TDRD7: variants seen among roughly 807,000 people sequenced by gnomAD.
TDRD7 encodes tudor domain containing 7.
In TDRD7, 47 loss-of-function variants were observed where a neutral mutation model predicts 109.8. That is an observed-to-expected ratio of 0.43 (90% CI 0.34 to 0.55). TDRD7 has a LOEUF of 0.55. Ranked by LOEUF, TDRD7 falls within the 20% of genes least tolerant of loss-of-function variation. The pLI is 0.03. For synonymous variants in TDRD7, 424 were observed against 457.3 expected, an observed-to-expected ratio of 0.93 and a Z score of 0.93; for missense variants, 1,164 against 1,319.2, an observed-to-expected ratio of 0.88 and a Z score of 1.82.
In TDRD7 at chr9:97,495,568, C is replaced by T; in HGVS notation, c.3077-95C>T. The T allele has an allele frequency of 2.4e-6, 3 of 1,250,160 alleles. No homozygotes were observed. In the Admixed American group the frequency reaches 5.0e-5, roughly 21 times the overall value. The allele number at this position is 1,250,160 out of a possible 1,614,324, so 77.4% of individuals were successfully genotyped here. ...AGTCTAACCTGGGATGCTTAAGTTACTTTGGAATTGACTAAATAATTTTCC... is the reference window on the plus strand; with the variant it reads ...AGTCTAACCTGGGATGCTTAAGTTATTTTGGAATTGACTAAATAATTTTCC... On this transcript the variant is annotated intron_variant, in intron 16 of 16. Coordinates refer to ENST00000355295, the MANE Select transcript of TDRD7 (RefSeq NM_014290.3).
At chr9:97,493,245 AG>A (rs978819823) in intron 16 of TDRD7, among the ~76,000 whole-genome samples, 31 of 152,238 alleles carry the variant, frequency 2.0e-4, no homozygotes, top group Non-Finnish European at 4.1e-4. Flanking sequence ...TATTTCATGT[AG>A]GTTCTTTTCT....
chr9:97,454,257 G>A (rs1308641799), intron 6 of TDRD7, among the ~76,000 whole-genome samples: 1 of 152,148 alleles, frequency 6.6e-6, no homozygotes, highest in Non-Finnish European at 1.5e-5. Context: ...GAGGTGGGTG[G>A]ATCACGAGGT....
At position 97,467,384 on chromosome 9, in the gene TDRD7, C is replaced by T. The variant is rs181364472; in HGVS notation, c.1629+2356C>T. Among the ~76,000 whole-genome samples the T allele has an allele frequency of 1.1e-4, 17 of 152,316 alleles. No individual in the cohort carries two copies. In the East Asian group the frequency reaches 2.7e-3, roughly 24 times the overall value. On this transcript the variant is annotated intron_variant, in intron 8 of 16. Transcript: ENST00000355295. ...CTTCTACTTTGGGAATTCAGGCTCT[C>T]GTGTCAGATAGAACTGAGTCTCAGC...
intron 13 of TDRD7, chr9:97,480,590 A>G: frequency 4.0e-6 from 2 of 504,668 alleles, no homozygotes; most frequent in South Asian, 3.8e-5. Context: ...GGTGGGAAGT[A>G]TATGGAGTGC....
intron 1 of TDRD7, among the ~76,000 whole-genome samples, chr9:97,413,391 T>G (rs1827756194): frequency 6.6e-6 from 1 of 152,100 alleles, no homozygotes; most frequent in South Asian, 2.1e-4. Flanking sequence ...TGGTTTTCTA[T>G]GTGTCAAATA....
intron 3 of TDRD7, 94 bp from the exon 4 acceptor site, chr9:97,431,931 A>C: frequency 8.9e-7 from 1 of 1,124,378 alleles, no homozygotes; most frequent in Non-Finnish European, 1.4e-6. Flanking sequence ...CTGAGAATAG[A>C]CACCCACAGA....
At chr9:97,428,028 A>T (rs1828031279) in intron 1 of TDRD7, among the ~76,000 whole-genome samples, 1 of 152,054 alleles carries the variant, frequency 6.6e-6, no homozygotes, top group African/African-American at 2.4e-5. Flanking sequence ...GTCTTTGTTC[A>T]GTCACGTCCA....
At chr9:97,437,353 A>G (rs558893233) in intron 4 of TDRD7, among the ~76,000 whole-genome samples, 9 of 152,308 alleles carry the variant, frequency 5.9e-5, no homozygotes, top group Admixed American at 2.0e-4. Context: ...TGAGTTGTTC[A>G]TTAGTCCCTA....
intron 8 of TDRD7, among the ~76,000 whole-genome samples, chr9:97,469,065 C>T (rs1828867850): frequency 6.6e-6 from 1 of 152,224 alleles, no homozygotes; most frequent in East Asian, 1.9e-4. Flanking sequence ...TTAATCTGTT[C>T]TTGTGCTAAG....
rs16920394 is a variant in TDRD7 at position 97,443,260 on chromosome 9, T to C, written c.855+1385T>C. On this transcript the variant is annotated intron_variant, in intron 6 of 16. Coordinates refer to ENST00000355295, the MANE Select transcript of TDRD7 (RefSeq NM_014290.3). ...TTAGGTGTTTTAAGAACAAAGACGATGAAGACACTTGGAGTGTAGTGAGGG... is the reference window on the plus strand; with the variant it reads ...TTAGGTGTTTTAAGAACAAAGACGACGAAGACACTTGGAGTGTAGTGAGGG... Among the ~76,000 whole-genome samples the C allele has an allele frequency of 8.1e-3, 1,229 of 152,208 alleles. 43 individuals carry two copies. The East Asian group carries it at 0.11, about 13-fold the overall frequency.
At chr9:97,490,706 C>T (rs1829293503) in intron 16 of TDRD7, among the ~76,000 whole-genome samples, 1 of 151,022 alleles carries the variant, frequency 6.6e-6, no homozygotes, top group African/African-American at 2.4e-5. Flanking sequence ...ATTTGTTACA[C>T]CTTTGATAGA....
Position 97,454,285 on chromosome 9 carries a change from C to A in TDRD7, c.856-5893C>A, listed in dbSNP as rs150962117. Reference sequence around the variant, plus strand: ...CACGAGGTCAGGAGATTGAGACCATCCTGACTAACATGGTGAAACCCCATC... The same window carrying A: ...CACGAGGTCAGGAGATTGAGACCATACTGACTAACATGGTGAAACCCCATC... On this transcript the variant is annotated intron_variant, in intron 6 of 16. Transcript: ENST00000355295. Among the ~76,000 whole-genome samples the A allele has an allele frequency of 7.7e-3, 1,167 of 152,264 alleles. 18 individuals are homozygous for A. Among genetic ancestry groups the A allele is most frequent in the African/African-American group, 0.025 (1,032 of 41,542 alleles).
chr9:97,431,976 G>A (rs1828111205), intron 3 of TDRD7, 49 bp from the exon 4 acceptor site: 1 of 1,512,770 alleles, frequency 6.6e-7, no homozygotes, highest in South Asian at 1.1e-5. Flanking sequence ...TAATGAAAGT[G>A]GGGTTTGGGG....
intron 16 of TDRD7, among the ~76,000 whole-genome samples, chr9:97,487,685 T>C (rs1345497284): frequency 6.6e-6 from 1 of 152,116 alleles, no homozygotes; most frequent in Non-Finnish European, 1.5e-5. Context: ...GTTGTCCTAC[T>C]TGTTTTTAAT....
chr9:97,421,698 T>TTG (rs59218055), intron 1 of TDRD7, among the ~76,000 whole-genome samples: 10,535 of 142,706 alleles, frequency 0.074, 383 homozygotes, highest in African/African-American at 0.08. Context: ...TGCCCAGCTT[T>TTG]TGTGTGTGTG....
chr9:97,487,308 C>G lies in TDRD7; in HGVS notation c.3052C>G (p.Gln1018Glu). Residue 1018 changes from glutamine to glutamate, a missense_variant, in exon 16 of 17, where the codon CAA (glutamine) becomes GAA (glutamate). Gln to Glu is a conservative substitution (Grantham distance 29). This residue lies in a region of TDRD7 where 162 missense variants were observed against 222.5 expected (regional missense o/e 0.73). Coordinates refer to ENST00000355295, the MANE Select transcript of TDRD7 (RefSeq NM_014290.3). ...LVDMFRKLPF[Q>E]AVTAQLAGVK... ...GGACATGTTCCGAAAGCTGCCCTTC[C>G]AAGCAGTCACAGCTCAACTTGCAGG... 6.2e-7 allele frequency: 1 copy of G among 1,613,794 alleles called. No homozygotes were observed. Among genetic ancestry groups the G allele is most frequent in the South Asian group, 1.1e-5 (1 of 91,074 alleles).
chr9:97,422,278 C>A (rs906807902), intron 1 of TDRD7, among the ~76,000 whole-genome samples: 11 of 152,050 alleles, frequency 7.2e-5, no homozygotes, highest in Admixed American at 2.0e-4. Flanking sequence ...GCCTGTAATC[C>A]CAGCCAACTT....
chr9:97,489,819 T>C (rs1340278015), intron 16 of TDRD7, among the ~76,000 whole-genome samples: 1 of 152,214 alleles, frequency 6.6e-6, no homozygotes, highest in African/African-American at 2.4e-5. Flanking sequence ...CAATTATATC[T>C]CTATTTTTTC....
In TDRD7 at chr9:97,480,951, G is replaced by T. The variant is rs374558180; in HGVS notation, c.2412+13G>T. 24 of 1,608,496 alleles carry T rather than the reference G, an allele frequency of 1.5e-5. No homozygotes were observed. Among genetic ancestry groups the T allele is most frequent in the Non-Finnish European group, 1.9e-5 (22 of 1,175,014 alleles). Reference sequence around the variant, plus strand: ...CTGTAGCATTAAGGTTAGCTATCTTGTTGGGCCTGATACATTTAGAAAGGG... The same window carrying T: ...CTGTAGCATTAAGGTTAGCTATCTTTTTGGGCCTGATACATTTAGAAAGGG... On this transcript the variant is annotated intron_variant, in intron 14 of 16. Transcript: ENST00000355295.
Sources: gnomAD v4.1 joint callset for allele counts (sites outside exome capture counted in the v4.1 genomes callset) on GRCh38, gnomAD v4.1.1 for gene constraint, gnomAD v4.1.1 regional missense constraint, MANE v1.5 for transcripts, NCBI Gene and HGNC (gene_info 2026-07-23, HGNC 2026-07-21) for gene names.